The following SDK1 variants were observed in gnomAD, a reference collection of about 807,000 sequenced individuals.
The protein encoded by SDK1 is sidekick cell adhesion molecule 1.
Under a neutral mutation model 245.5 loss-of-function variants are expected in SDK1, and 157 were observed. The observed-to-expected ratio is 0.64, with a 90% CI of 0.56 to 0.73. The LOEUF (loss-of-function observed/expected upper bound fraction) is 0.73. Ranked by LOEUF, SDK1 falls within the 30% of genes least tolerant of loss-of-function variation. SDK1 has a pLI of 0.00. For synonymous variants in SDK1, 1,647 were observed against 1,278.5 expected (o/e 1.29, Z -6.15); for missense variants, 3,583 against 3,002.3 (o/e 1.19, Z -4.52).
chr7:3,605,051 A>T (rs974094565), intron 1 of SDK1, among the ~76,000 whole-genome samples: 87 of 151,502 alleles, frequency 5.7e-4, no homozygotes, highest in African/African-American at 2.1e-3. Context: ...GTATAAATTT[A>T]GTTCTTTTAA....
At chr7:3,754,684 G>A (rs374250298) in intron 4 of SDK1, among the ~76,000 whole-genome samples, 1 of 152,116 alleles carries the variant, frequency 6.6e-6, no homozygotes, top group Non-Finnish European at 1.5e-5. Context: ...AAGGGGAAGG[G>A]GGGTGGGGGG....
chr7:3,332,599 A>G (rs1780096648), intron 1 of SDK1, among the ~76,000 whole-genome samples: 1 of 152,132 alleles, frequency 6.6e-6, no homozygotes, highest in South Asian at 2.1e-4. Context: ...ATGGCCTGCC[A>G]TTTATTTTAG....
chr7:3,961,622 C>G (rs1045053861), intron 8 of SDK1, among the ~76,000 whole-genome samples: 1 of 152,190 alleles, frequency 6.6e-6, no homozygotes, highest in Non-Finnish European at 1.5e-5. Flanking sequence ...GTGCCTCCTC[C>G]TCGACCCTTA....
chr7:3,489,788 T>C (rs1430581999), intron 1 of SDK1, among the ~76,000 whole-genome samples: 1 of 152,246 alleles, frequency 6.6e-6, no homozygotes, highest in African/African-American at 2.4e-5. Context: ...CTATTAAAAT[T>C]TGATCACAAA....
Position 4,193,938 on chromosome 7 carries a change from G to A in SDK1, c.5099-11941G>A, listed in dbSNP as rs555131542. Among the ~76,000 whole-genome samples, 36 of 152,062 alleles carry A rather than the reference G, an allele frequency of 2.4e-4. No individual in the cohort carries two copies. In the South Asian group the frequency reaches 6.7e-3, roughly 28 times the overall value. On this transcript the variant is annotated intron_variant, in intron 35 of 44. Transcript: ENST00000404826. ...CCTAAACTCCTTGCCTCTCACGAGC[G>A]GTGAATCAGGAGCGTCAAATGCATT... is the stretch of plus-strand genomic sequence containing the variant.
intron 1 of SDK1, among the ~76,000 whole-genome samples, chr7:3,504,462 G>A (rs1782325144): frequency 6.6e-6 from 1 of 152,004 alleles, no homozygotes; most frequent in African/African-American, 2.4e-5. Context: ...CATAAAGAAA[G>A]ACATATATGT....
At chr7:4,057,977 T>A (rs2128169602) in intron 19 of SDK1, among the ~76,000 whole-genome samples, 1 of 151,922 alleles carries the variant, frequency 6.6e-6, no homozygotes, top group Middle Eastern at 3.4e-3. Flanking sequence ...GATATCAACA[T>A]AAGGACACAA....
At chr7:3,960,518 G>A (rs896924112) in intron 8 of SDK1, among the ~76,000 whole-genome samples, 13 of 152,106 alleles carry the variant, frequency 8.5e-5, no homozygotes, top group African/African-American at 1.9e-4. Flanking sequence ...CCACCCTTCC[G>A]GTGCAGCGGC....
At chr7:3,952,191 C>T in intron 7 of SDK1, 1 of 465,610 alleles carries the variant, frequency 2.1e-6, no homozygotes, top group Non-Finnish European at 3.8e-6. Context: ...CGGTGAAACC[C>T]CTGTCATATA....
chr7:3,431,562 G>T (rs1323138810), intron 1 of SDK1, among the ~76,000 whole-genome samples: 2 of 151,976 alleles, frequency 1.3e-5, no homozygotes, highest in Non-Finnish European at 2.9e-5. Context: ...ATTTTTTTTA[G>T]TATTGTACTT....
intron 5 of SDK1, among the ~76,000 whole-genome samples, chr7:3,860,538 A>T (rs992102982): frequency 3.3e-5 from 5 of 152,200 alleles, no homozygotes; most frequent in Non-Finnish European, 7.3e-5. Context: ...AGGATAATGG[A>T]ATTTTCAAAA....
At chr7:3,720,531 T>G (rs377002818) in intron 4 of SDK1, among the ~76,000 whole-genome samples, 22 of 152,166 alleles carry the variant, frequency 1.4e-4, no homozygotes, top group African/African-American at 5.3e-4. Context: ...CAAGGAGATA[T>G]CACTACAAAC....
rs372082538 is a variant in SDK1, at chr7:4,139,677, ATGTG to A, written c.4229-6035_4229-6032del. Among the ~76,000 whole-genome samples, 914 of 112,590 alleles carry A rather than the reference ATGTG, an allele frequency of 8.1e-3. 77 individuals carry two copies. Among genetic ancestry groups the A allele is most frequent in the African/African-American group, 0.032 (846 of 26,628 alleles). The allele number at this position is 112,590 out of a possible 152,430, so 73.9% of individuals were successfully genotyped here. A position where few individuals can be genotyped will look rare whatever the true frequency, so the allele number is the denominator to read the frequency against. On this transcript the variant is annotated intron_variant, in intron 28 of 44. Coordinates refer to ENST00000404826, the MANE Select transcript of SDK1 (RefSeq NM_152744.4). ...TGTGTGTGTATATGTGTGTGTGTAT[ATGTG>A]TGTGTGTGTATGTGTGTGTGTGTAT...
chr7:3,818,213 ATAAAGT>A (rs1178210207), intron 4 of SDK1, among the ~76,000 whole-genome samples: 23 of 152,356 alleles, frequency 1.5e-4, no homozygotes, highest in Middle Eastern at 6.8e-3. Context: ...ATTTGTTTCA[ATAAAGT>A]TAAAGGAAAA....
chr7:3,720,369 G>C (rs1785332614), intron 4 of SDK1, among the ~76,000 whole-genome samples: 1 of 152,140 alleles, frequency 6.6e-6, no homozygotes, highest in African/African-American at 2.4e-5. Flanking sequence ...TGAATATATA[G>C]ACTACTCTTA....
At chr7:3,332,213 TATTGA>T (rs1780085982) in intron 1 of SDK1, among the ~76,000 whole-genome samples, 1 of 152,236 alleles carries the variant, frequency 6.6e-6, no homozygotes, top group South Asian at 2.1e-4. Flanking sequence ...AAAATTTCTT[TATTGA>T]ATTATAGTTT....
chr7:3,336,635 C>A (rs1244231608), intron 1 of SDK1, among the ~76,000 whole-genome samples: 1 of 152,054 alleles, frequency 6.6e-6, no homozygotes, highest in African/African-American at 2.4e-5. Flanking sequence ...TAAATAGGGC[C>A]CCCGGGGGTC....
intron 1 of SDK1, among the ~76,000 whole-genome samples, chr7:3,527,102 C>T (rs572941420): frequency 1.3e-5 from 2 of 152,116 alleles, no homozygotes; most frequent in South Asian, 4.1e-4. Context: ...TTATAGTGAG[C>T]ACATATCTTC....
rs557036395 is a variant in SDK1, at chr7:3,754,406, G to T, written c.714-67044G>T. On this transcript the variant is annotated intron_variant, in intron 4 of 44. Coordinates refer to ENST00000404826, the MANE Select transcript of SDK1 (RefSeq NM_152744.4). ...GTAACTTAGCAAACTGTTACAGGTG[G>T]TGAGAAAGAAAACTCTTTTATTGAA... is the stretch of plus-strand genomic sequence containing the variant. Among the ~76,000 whole-genome samples the T allele has an allele frequency of 1.1e-4, 16 of 152,304 alleles. No homozygotes were observed. In the East Asian group the frequency reaches 2.5e-3, roughly 24 times the overall value.
Sources: gnomAD v4.1 joint callset for allele counts (sites outside exome capture counted in the v4.1 genomes callset) on GRCh38, gnomAD v4.1.1 for gene constraint, MANE v1.5 for transcripts, NCBI Gene and HGNC (gene_info 2026-07-23, HGNC 2026-07-21) for gene names.